TTLL12: variants seen among roughly 807,000 people sequenced by gnomAD.
The protein encoded by TTLL12 is tubulin--tyrosine ligase-like protein 12.
In TTLL12, 77 loss-of-function variants were observed where a neutral mutation model predicts 79.6. That is an observed-to-expected ratio of 0.97 (90% CI 0.81 to 1.17). The LOEUF (loss-of-function observed/expected upper bound fraction) is 1.17, where lower values mean the gene tolerates loss of function less well. TTLL12 is among the 50% of genes most tolerant of loss of function. The probability of loss-of-function intolerance (pLI) is 0.00; values close to 1 mark genes in which losing one functional copy is unlikely to be tolerated. For synonymous variants in TTLL12, 437 were observed against 376.1 expected (o/e 1.16, Z -1.87); for missense variants, 969 against 895.9 (o/e 1.08, Z -1.04).
Position 43,180,747 on chromosome 22 carries a change from G to A in TTLL12, c.541C>T (p.His181Tyr). 2 of 1,613,002 alleles carry A rather than the reference G, an allele frequency of 1.2e-6. No homozygotes were observed. The highest frequency in any genetic ancestry group is 1.1e-5 in the South Asian group (1 of 91,076). The change falls in exon 3 of 14, where the codon CAT becomes TAT. Residue 181 changes from histidine (H) to tyrosine (Y), a missense_variant. His to Tyr is a moderately conservative substitution (Grantham distance 83). Coordinates refer to ENST00000216129, the MANE Select transcript of TTLL12 (RefSeq NM_015140.4). ...WKFNQTYQLA[H>Y]GTAEEKMPVW... ...GGGCCCAGCTACCCACTCACCCCAT[G>A]GGCCAGCTGGTAGGTCTGGTTGAAC...
At chr22:43,168,275 G>C (rs765247435) in intron 13 of TTLL12, 116 bp from the exon 14 acceptor site, 21 of 1,430,936 alleles carry the variant, frequency 1.5e-5, no homozygotes, top group Admixed American at 2.3e-5. Context: ...CTGATTCCCA[G>C]GGGATGAGCA....
rs748362594 is a variant in TTLL12 at position 43,180,006 on chromosome 22, G to A, written c.547-6C>T. The A allele has an allele frequency of 1.3e-6, 2 of 1,586,258 alleles. No homozygotes were observed. The highest frequency in any genetic ancestry group is 1.7e-5 in the Admixed American group (1 of 58,398). Reference sequence around the variant, plus strand: ...GGCATCTTCTCCTCAGCTGTCTGCAGACAGAGCACATATGGCACCTCTCGC... The same window carrying A: ...GGCATCTTCTCCTCAGCTGTCTGCAAACAGAGCACATATGGCACCTCTCGC... On this transcript the variant is annotated splice_polypyrimidine_tract_variant and splice_region_variant and intron_variant, in intron 3 of 13. Transcript: ENST00000216129.
At chr22:43,170,452 C>A (rs1289115069) in intron 11 of TTLL12, among the ~76,000 whole-genome samples, 1 of 152,210 alleles carries the variant, frequency 6.6e-6, no homozygotes, top group Non-Finnish European at 1.5e-5. Context: ...CCAGGTGCCT[C>A]CACGCATGTT....
In TTLL12 at chr22:43,172,500, T is replaced by C. The variant is rs774130200; in HGVS notation, c.1396A>G (p.Lys466Glu). 6.2e-6 allele frequency: 10 copies of C among 1,613,990 alleles called. No individual in the cohort carries two copies. In the East Asian group the frequency reaches 2.2e-4, roughly 36 times the overall value. Residue 466 changes from lysine (K) to glutamate (E), a missense_variant, in exon 10 of 14, where the codon AAG (lysine) becomes GAG (glutamate). Lys to Glu is a moderately conservative substitution (Grantham distance 56, BLOSUM62 1). Transcript: ENST00000216129. ...PVLFLREDVGKVKFDIRYIVL... is the reference protein window; with the variant it reads ...PVLFLREDVGEVKFDIRYIVL... ...ATGTAGCGGATGTCGAACTTGACCT[T>C]TCCCACGTCTTCTCGAAGGAACAAC...
chr22:43,181,840 G>C (rs1469289304), intron 2 of TTLL12, among the ~76,000 whole-genome samples: 1 of 152,198 alleles, frequency 6.6e-6, no homozygotes, highest in African/African-American at 2.4e-5. Context: ...GTTTACTCTT[G>C]CACTTGTGTT....
intron 6 of TTLL12, 79 bp from the exon 7 acceptor site, chr22:43,174,694 A>C: frequency 9.8e-7 from 1 of 1,023,276 alleles, no homozygotes; most frequent in East Asian, 2.5e-5. Context: ...TGGCTCAGGG[A>C]CTCCCTTCCC....
At chr22:43,169,249 C>T (rs1279656982) in intron 12 of TTLL12, among the ~76,000 whole-genome samples, 2 of 152,214 alleles carry the variant, frequency 1.3e-5, no homozygotes, top group Non-Finnish European at 2.9e-5. Flanking sequence ...AGTGCCGCCA[C>T]CCTCTGGCTG....
intron 9 of TTLL12, among the ~76,000 whole-genome samples, chr22:43,173,097 G>A (rs994657562): frequency 2.6e-5 from 4 of 152,044 alleles, no homozygotes; most frequent in Admixed American, 6.6e-5. Flanking sequence ...CACGACAATC[G>A]TCCTCATGAT....
Position 43,173,839 on chromosome 22 carries a change from A to T in TTLL12, c.1230-13T>A. 1 of 1,599,270 alleles carries T rather than the reference A, an allele frequency of 6.3e-7. No homozygotes were observed. Among genetic ancestry groups the T allele is most frequent in the Non-Finnish European group, 8.5e-7 (1 of 1,178,814 alleles). ...GTTGTCCTCGCCCCTGGGGAGCAGA[A>T]GGGCTGTCTGGGGGGCGCCTGGGGC... On this transcript the variant is annotated splice_polypyrimidine_tract_variant and intron_variant, in intron 8 of 13. Transcript: ENST00000216129.
chr22:43,173,785 G>T lies in TTLL12; in HGVS notation c.1271C>A (p.Ala424Glu). ...NHWICKPWNL[A>E]RSLDTHVTKS... ...GGTGACGTGGGTGTCCAGGCTGCGC[G>T]CCAGGTTCCAGGGCTTGCAGATCCA... Residue 424 changes from alanine to glutamate, a missense_variant, in exon 9 of 14, where the codon GCG (alanine) becomes GAG (glutamate). Transcript: ENST00000216129. The T allele has an allele frequency of 1.2e-6, 2 of 1,604,880 alleles. No individual in the cohort carries two copies.
At position 43,187,068 on chromosome 22, in the gene TTLL12, ATGG is replaced by A; in HGVS notation, c.-2_1del. Reference sequence around the variant, plus strand: ...GCGCTCGGGACCCCGCTCGGCCTCCATGGCGCCAGCACCCGCGCCGACTCCAGC... The same window carrying A: ...GCGCTCGGGACCCCGCTCGGCCTCCACGCCAGCACCCGCGCCGACTCCAGC... On this transcript the variant is annotated start_lost and 5_prime_UTR_variant, in exon 1 of 14. Coordinates refer to ENST00000216129, the MANE Select transcript of TTLL12 (RefSeq NM_015140.4). 8.6e-7 allele frequency: 1 copy of A among 1,159,538 alleles called. No homozygotes were observed. Among genetic ancestry groups the A allele is most frequent in the East Asian group, 4.0e-5 (1 of 25,188 alleles). The allele number at this position is 1,159,538 out of a possible 1,614,324, so 71.8% of individuals were successfully genotyped here.
intron 2 of TTLL12, among the ~76,000 whole-genome samples, chr22:43,182,403 C>A (rs954494937): frequency 6.6e-6 from 1 of 152,214 alleles, no homozygotes; most frequent in African/African-American, 2.4e-5. Context: ...TGTGCGTGGA[C>A]ACAGGGGCCC....
chr22:43,176,831 C>A (rs975134211), intron 5 of TTLL12, among the ~76,000 whole-genome samples: 1 of 152,104 alleles, frequency 6.6e-6, no homozygotes, highest in Admixed American at 6.5e-5. Context: ...GCTGCTCCTC[C>A]CTCCCAACAC....
At chr22:43,179,533 G>A (rs968325140) in intron 5 of TTLL12, 86 bp downstream of exon 5, 12 of 1,432,452 alleles carry the variant, frequency 8.4e-6, no homozygotes, top group South Asian at 1.5e-5. Context: ...GCACCCGGCT[G>A]GGGTTTGATA....
intron 3 of TTLL12, among the ~76,000 whole-genome samples, chr22:43,180,455 G>A (rs1047929525): frequency 7.2e-5 from 11 of 152,170 alleles, no homozygotes; most frequent in East Asian, 1.9e-4. Flanking sequence ...AGGGGTGGGT[G>A]AGGAATGGTT....
Position 43,171,839 on chromosome 22 carries a change from G to A in TTLL12, c.1555C>T (p.Pro519Ser), listed in dbSNP as rs1931773290. ...CCTACCTGCTTCAGCACCACATCCG[G>A]GTCATAGTTCATGACCGTGAAGTGC... ...EKHFTVMNYD[P>S]DVVLKQVHCE... The change falls in exon 11 of 14, where the codon CCG becomes TCG. Residue 519 changes from proline (P) to serine (S), a missense_variant. Physicochemically the swap from Pro to Ser is moderately conservative, Grantham distance 74 (BLOSUM62 -1). Coordinates refer to ENST00000216129, the MANE Select transcript of TTLL12 (RefSeq NM_015140.4). 1 of 1,614,112 alleles carries A rather than the reference G, an allele frequency of 6.2e-7. No individual in the cohort carries two copies. The highest frequency in any genetic ancestry group is 8.5e-7 in the Non-Finnish European group (1 of 1,179,996).
In TTLL12 at chr22:43,172,027, C is replaced by A. The variant is rs112560273; in HGVS notation, c.1494-127G>T. Reference sequence around the variant, plus strand: ...AGGGCAGGACCACCTGCTGCTCAGGCGGGAGCCTGTTCCCTTGTCTGTGTG... The same window carrying A: ...AGGGCAGGACCACCTGCTGCTCAGGAGGGAGCCTGTTCCCTTGTCTGTGTG... On this transcript the variant is annotated intron_variant, in intron 10 of 13. Coordinates refer to ENST00000216129, the MANE Select transcript of TTLL12 (RefSeq NM_015140.4). The A allele has an allele frequency of 1.1e-3, 880 of 783,532 alleles. 6 individuals carry two copies. In the African/African-American group the frequency reaches 0.013, roughly 12 times the overall value. The allele number at this position is 783,532 out of a possible 1,614,324, so 48.5% of individuals were successfully genotyped here.
chr22:43,167,815 A>G lies in TTLL12; in HGVS notation c.*193T>C. The G allele has an allele frequency of 1.6e-6, 1 of 630,514 alleles. No homozygotes were observed. Among genetic ancestry groups the G allele is most frequent in the Non-Finnish European group, 2.7e-6 (1 of 370,110 alleles). The allele number at this position is 630,514 out of a possible 1,614,324, so 39.1% of individuals were successfully genotyped here. A position where few individuals can be genotyped will look rare whatever the true frequency, so the allele number is the denominator to read the frequency against. ...GGGACACCATCACTGTCCTGCTCTG[A>G]CCCACAGGTGAGAGGAGGATGCTGT... is the stretch of plus-strand genomic sequence containing the variant. On this transcript the variant is annotated 3_prime_UTR_variant, in exon 14 of 14. Transcript: ENST00000216129.
At position 43,174,583 on chromosome 22, in the gene TTLL12, C is replaced by T. The variant is rs970239388; in HGVS notation, c.950G>A (p.Ser317Asn). 5 of 1,612,692 alleles carry T rather than the reference C, an allele frequency of 3.1e-6. No homozygotes were observed. In the South Asian group the frequency reaches 4.4e-5, roughly 14 times the overall value. ...GAGGGTGAAGCGCGGGTGGGTGAGG[C>T]TGCTGGCCACCTGCTGCACGTCCGT... ...VYTDVQQVAS[S>N]LTHPRFTLTQ... Residue 317 changes from serine to asparagine, a missense_variant, in exon 7 of 14, where the codon AGC (serine) becomes AAC (asparagine). Transcript: ENST00000216129.
Sources: gnomAD v4.1 joint callset for allele counts (sites outside exome capture counted in the v4.1 genomes callset) on GRCh38, gnomAD v4.1.1 for gene constraint, MANE v1.5 for transcripts, NCBI Gene and HGNC (gene_info 2026-07-23, HGNC 2026-07-21) for gene names.